The following IMMP2L variants were observed in gnomAD, a reference collection of about 807,000 sequenced individuals.
IMMP2L encodes inner mitochondrial membrane peptidase subunit 2.
A neutral mutation model predicts 19.3 loss-of-function variants in IMMP2L; 18 were observed. The ratio of observed to expected loss-of-function variants is 0.93; its 90% CI spans 0.64 to 1.38. The LOEUF (loss-of-function observed/expected upper bound fraction) is 1.38, where lower values mean the gene tolerates loss of function less well. Among genes scored for constraint, IMMP2L ranks in the 40% most tolerant of loss-of-function variants. The probability of loss-of-function intolerance (pLI) is 0.00; values close to 1 mark genes in which losing one functional copy is unlikely to be tolerated. For synonymous variants in IMMP2L, 76 were observed against 73.0 expected, an observed-to-expected ratio of 1.04 and a Z score of -0.21; for missense variants, 233 against 218.2, an observed-to-expected ratio of 1.07 and a Z score of -0.43.
chr7:110,706,623 T>C (rs1794700607), intron 5 of IMMP2L, among the ~76,000 whole-genome samples: 2 of 152,192 alleles, frequency 1.3e-5, no homozygotes, highest in Non-Finnish European at 2.9e-5. Context: ...TGAGCATTTT[T>C]TCATGCTTGT....
intron 4 of IMMP2L, among the ~76,000 whole-genome samples, chr7:110,925,955 T>C (rs1205943385): frequency 1.3e-5 from 2 of 152,088 alleles, no homozygotes; most frequent in Non-Finnish European, 2.9e-5. Context: ...TTACTCACTA[T>C]ATTCATACTC....
intron 3 of IMMP2L, among the ~76,000 whole-genome samples, chr7:111,464,081 C>A (rs1840390758): frequency 1.3e-5 from 2 of 152,080 alleles, no homozygotes; most frequent in South Asian, 4.1e-4. Flanking sequence ...TGAAGGCAGA[C>A]TGCTTCACTT....
At chr7:111,019,309 CA>C (rs1200469029) in intron 3 of IMMP2L, among the ~76,000 whole-genome samples, 3 of 152,142 alleles carry the variant, frequency 2.0e-5, no homozygotes, top group Admixed American at 6.5e-5. Context: ...TTACTTTTTG[CA>C]AAGCTCCAGG....
intron 4 of IMMP2L, among the ~76,000 whole-genome samples, chr7:110,907,197 C>T (rs902547696): frequency 1.3e-5 from 2 of 152,076 alleles, no homozygotes; most frequent in Non-Finnish European, 2.9e-5. Context: ...CCTTTTGCGC[C>T]CACACTTACG....
intron 3 of IMMP2L, among the ~76,000 whole-genome samples, chr7:111,274,997 C>G: frequency 6.6e-6 from 1 of 152,122 alleles, no homozygotes; most frequent in East Asian, 1.9e-4. Context: ...AGCACCAAGG[C>G]GCAACTCTGC....
At chr7:111,172,373 T>A (rs1468126008) in intron 3 of IMMP2L, among the ~76,000 whole-genome samples, 1 of 151,552 alleles carries the variant, frequency 6.6e-6, no homozygotes, top group Non-Finnish European at 1.5e-5. Flanking sequence ...AATTGATACA[T>A]AATAATTATA....
chr7:111,110,749 T>C (rs1376628217), intron 3 of IMMP2L, among the ~76,000 whole-genome samples: 1 of 152,202 alleles, frequency 6.6e-6, no homozygotes, highest in African/African-American at 2.4e-5. Context: ...ACATTACTGA[T>C]ATTAATTTAA....
chr7:111,315,975 A>G (rs543472234), intron 3 of IMMP2L, among the ~76,000 whole-genome samples: 1 of 152,258 alleles, frequency 6.6e-6, no homozygotes, highest in South Asian at 2.1e-4. Context: ...ATCACAGGGT[A>G]TACTTACACA....
chr7:110,713,367 A>C (rs1485598964), intron 5 of IMMP2L, among the ~76,000 whole-genome samples: 2 of 152,090 alleles, frequency 1.3e-5, no homozygotes, highest in Admixed American at 6.6e-5. Context: ...TTGTTCTTAC[A>C]GCTTGGGATT....
intron 3 of IMMP2L, among the ~76,000 whole-genome samples, chr7:111,375,665 C>A (rs913045642): frequency 6.6e-6 from 1 of 151,990 alleles, no homozygotes; most frequent in Non-Finnish European, 1.5e-5. Flanking sequence ...GCTAGGATTA[C>A]AGGTGTGCGC....
chr7:111,101,615 G>C (rs984642569), intron 3 of IMMP2L, among the ~76,000 whole-genome samples: 1 of 151,226 alleles, frequency 6.6e-6, no homozygotes, highest in East Asian at 1.9e-4. Flanking sequence ...AGGTACAATA[G>C]GTATACTGTC....
intron 3 of IMMP2L, among the ~76,000 whole-genome samples, chr7:111,380,714 G>C (rs1424407822): frequency 1.3e-5 from 2 of 151,980 alleles, no homozygotes; most frequent in Non-Finnish European, 2.9e-5. Flanking sequence ...GAGTTTGAGA[G>C]AGAAAAATTA....
chr7:110,690,166 C>G lies in IMMP2L; in HGVS notation c.409-26445G>C, dbSNP rs138194814. On this transcript the variant is annotated intron_variant, in intron 5 of 5. Coordinates refer to ENST00000405709, the MANE Select transcript of IMMP2L (RefSeq NM_032549.4). Reference sequence around the variant, plus strand: ...CAATGCCACAATTCCTGTCCTATGACGCTGGGACCTGTATCCAGTCTAAGA... The same window carrying G: ...CAATGCCACAATTCCTGTCCTATGAGGCTGGGACCTGTATCCAGTCTAAGA... 5.3e-5 allele frequency among the ~76,000 whole-genome samples: 8 copies of G among 152,180 alleles called. No individual in the cohort carries two copies. The East Asian group carries it at 1.5e-3, about 29-fold the overall frequency.
chr7:110,868,357 T>C (rs780083809), intron 5 of IMMP2L, among the ~76,000 whole-genome samples: 34 of 152,204 alleles, frequency 2.2e-4, no homozygotes, highest in South Asian at 1.5e-3. Context: ...AGTAATTATG[T>C]TGGATGAAGA....
At chr7:110,677,528 T>C (rs1792399411) in intron 5 of IMMP2L, among the ~76,000 whole-genome samples, 1 of 152,004 alleles carries the variant, frequency 6.6e-6, no homozygotes, top group African/African-American at 2.4e-5. Context: ...TAAACACAAC[T>C]CCTAATAAAA....
intron 5 of IMMP2L, among the ~76,000 whole-genome samples, chr7:110,680,419 C>T (rs1792633932): frequency 6.6e-6 from 1 of 152,120 alleles, no homozygotes; most frequent in Non-Finnish European, 1.5e-5. Flanking sequence ...AGAGCTATAA[C>T]TGCCGTTCTT....
chr7:111,348,279 A>C (rs747430104), intron 3 of IMMP2L, among the ~76,000 whole-genome samples: 4 of 152,038 alleles, frequency 2.6e-5, no homozygotes, highest in Non-Finnish European at 4.4e-5. Context: ...CTAGAACTTA[A>C]AGTATAATAA....
intron 5 of IMMP2L, among the ~76,000 whole-genome samples, chr7:110,737,180 C>T (rs1376335607): frequency 6.6e-6 from 1 of 152,136 alleles, no homozygotes; most frequent in Non-Finnish European, 1.5e-5. Context: ...AATCCACAGA[C>T]CCTTTGAAGG....
At chr7:110,879,086 G>T (rs1809369695) in intron 5 of IMMP2L, among the ~76,000 whole-genome samples, 1 of 152,036 alleles carries the variant, frequency 6.6e-6, no homozygotes, top group Non-Finnish European at 1.5e-5. Context: ...TTTCACTTAT[G>T]CAGTTATGAG....
Sources: allele counts gnomAD v4.1 joint callset (sites outside exome capture counted in the v4.1 genomes callset), GRCh38; gene constraint gnomAD v4.1.1; transcripts MANE v1.5; gene names NCBI Gene and HGNC (gene_info 2026-07-23, HGNC 2026-07-21).